Variants in MBOAT4 observed in about 807,000 individuals in gnomAD.
The protein encoded by MBOAT4 is membrane bound ghrelin O-acyltransferase MBOAT4.
Under a neutral mutation model 13.2 loss-of-function variants are expected in MBOAT4, and 11 were observed. That is an observed-to-expected ratio of 0.84 (90% CI 0.53 to 1.38). The LOEUF is 1.38. Ranked by LOEUF, MBOAT4 falls within the 40% of genes most tolerant of loss-of-function variation. The pLI, the probability that MBOAT4 is intolerant of heterozygous loss-of-function variation, is 0.00. For synonymous variants in MBOAT4, 202 were observed against 210.3 expected, an observed-to-expected ratio of 0.96 and a Z score of 0.34; for missense variants, 481 against 527.2, an observed-to-expected ratio of 0.91 and a Z score of 0.86.
chr8:30,134,916 A>G (rs1331430896), intron 2 of MBOAT4, among the ~76,000 whole-genome samples: 4 of 151,632 alleles, frequency 2.6e-5, no homozygotes, highest in African/African-American at 9.7e-5. Flanking sequence ...GTCTCACTCT[A>G]TCACCCAGGC....
intron 2 of MBOAT4, 83 bp downstream of exon 2, chr8:30,138,449 C>T: frequency 8.8e-7 from 1 of 1,130,114 alleles, no homozygotes; most frequent in Non-Finnish European, 1.3e-6. Flanking sequence ...GACTCCAACC[C>T]AACACCCAGG....
rs1458588331 is a variant in MBOAT4, at chr8:30,132,125, G to A, written c.1126C>T (p.Leu376=). The A allele has an allele frequency of 6.4e-7, 1 of 1,551,738 alleles. No individual in the cohort carries two copies. The highest frequency in any genetic ancestry group is 8.7e-7 in the Non-Finnish European group (1 of 1,146,998). Residue 376 remains leucine, a synonymous_variant, in exon 3 of 3, where the codon CTG becomes TTG. Coordinates refer to ENST00000320542, the MANE Select transcript of MBOAT4 (RefSeq NM_001100916.2). ...NEFIRSWPMR[L]FYRTLTWAHT... is the part of the protein sequence containing the mutation. ...GCCCAGGTGAGGGTTCTATAGAACA[G>A]CCTCATCGGCCAGGATCTGATAAAC...
chr8:30,133,282 AAT>A (rs1803067430), intron 2 of MBOAT4, among the ~76,000 whole-genome samples: 1 of 152,296 alleles, frequency 6.6e-6, no homozygotes, highest in Middle Eastern at 3.4e-3. Context: ...AACTTTTAAG[AAT>A]AGTTACCTCT....
chr8:30,138,735 T>A lies in MBOAT4; in HGVS notation c.141A>T (p.Gly47=). ...TGGCAGCCACGGCCAGGGCACCTCC[T>A]CCAGTCAGGAGAAAGAGGTACCTGA... ...TRARYLFLLT[G]GGALAVAAMG... Residue 47 remains glycine (G), a synonymous_variant, in exon 2 of 3, where the codon GGA becomes GGT. Coordinates refer to ENST00000320542, the MANE Select transcript of MBOAT4 (RefSeq NM_001100916.2). 18 of 1,549,770 alleles carry A rather than the reference T, an allele frequency of 1.2e-5. No homozygotes were observed. Among genetic ancestry groups the A allele is most frequent in the Non-Finnish European group, 1.6e-5 (18 of 1,146,878 alleles).
At chr8:30,133,774 G>A (rs1803077036) in intron 2 of MBOAT4, among the ~76,000 whole-genome samples, 1 of 123,206 alleles carries the variant, frequency 8.1e-6, no homozygotes, top group Non-Finnish European at 1.7e-5. Flanking sequence ...ACACATCCAA[G>A]TGAGACCCTG....
intron 1 of MBOAT4, among the ~76,000 whole-genome samples, chr8:30,142,285 T>G (rs1442959683): frequency 1.3e-5 from 2 of 152,212 alleles, no homozygotes; most frequent in Non-Finnish European, 2.9e-5. Flanking sequence ...TATATTGATA[T>G]ACACAAGGAC....
At chr8:30,144,068 G>C (rs1290797971) in intron 1 of MBOAT4, among the ~76,000 whole-genome samples, 1 of 148,242 alleles carries the variant, frequency 6.7e-6, no homozygotes, top group Non-Finnish European at 1.5e-5. Flanking sequence ...TTAAAAACAA[G>C]TGTAATTAAT....
intron 1 of MBOAT4, among the ~76,000 whole-genome samples, chr8:30,143,127 G>A (rs1420027861): frequency 1.3e-5 from 2 of 152,092 alleles, no homozygotes. Context: ...ATATACCCAC[G>A]TAACAAACCT....
chr8:30,137,523 A>ACAC, intron 2 of MBOAT4: 3 of 1,498,146 alleles, frequency 2.0e-6, no homozygotes, highest in Non-Finnish European at 2.7e-6. Flanking sequence ...TCAGTGCCAG[A>ACAC]CACTGCACCA....
At position 30,138,573 on chromosome 8, in the gene MBOAT4, C is replaced by G. The variant is rs1027037639; in HGVS notation, c.303G>C (p.Leu101=). 6.4e-6 allele frequency: 10 copies of G among 1,551,520 alleles called. No individual in the cohort carries two copies. Among genetic ancestry groups the G allele is most frequent in the Non-Finnish European group, 7.0e-6 (8 of 1,147,010 alleles). The change falls in exon 2 of 3, where the codon CTG becomes CTC. Residue 101 remains leucine (L), a synonymous_variant. Coordinates refer to ENST00000320542, the MANE Select transcript of MBOAT4 (RefSeq NM_001100916.2). ...MSWQTLCHLG[L]HYTEYYLHEP... ...CATGCAGATAATACTCAGTGTAGTG[C>G]AGACCTAGGTGACACAAGGTCTGCC...
chr8:30,139,795 A>C (rs552032078), intron 1 of MBOAT4, among the ~76,000 whole-genome samples: 1 of 2,766 alleles, frequency 3.6e-4, no homozygotes, highest in African/African-American at 4.7e-4. Flanking sequence ...CCATCTCTAC[A>C]AAAAAAAAAT....
At chr8:30,136,451 T>A (rs189684223) in intron 2 of MBOAT4, among the ~76,000 whole-genome samples, 1 of 152,300 alleles carries the variant, frequency 6.6e-6, no homozygotes, top group East Asian at 1.9e-4. Context: ...GGAAATGAAT[T>A]TCTGTTGTTT....
intron 1 of MBOAT4, among the ~76,000 whole-genome samples, chr8:30,143,562 A>C (rs1803300098): frequency 6.6e-6 from 1 of 152,134 alleles, no homozygotes; most frequent in South Asian, 2.1e-4. Context: ...AATCTAAAAA[A>C]ATAGGTGCTG....
At chr8:30,141,641 A>C (rs1448060388) in intron 1 of MBOAT4, among the ~76,000 whole-genome samples, 2 of 152,110 alleles carry the variant, frequency 1.3e-5, no homozygotes, top group Non-Finnish European at 2.9e-5. Flanking sequence ...CTGTTTCAAA[A>C]AGAAAAGAAA....
At chr8:30,139,310 A>C (rs1803220713) in intron 1 of MBOAT4, among the ~76,000 whole-genome samples, 2 of 151,462 alleles carry the variant, frequency 1.3e-5, no homozygotes, top group Non-Finnish European at 2.9e-5. Flanking sequence ...GATGCCCTCC[A>C]TTCAAGCGAT....
At chr8:30,137,755 C>T (rs1182724849) in intron 2 of MBOAT4, 1 of 475,398 alleles carries the variant, frequency 2.1e-6, no homozygotes, top group Non-Finnish European at 3.7e-6. Context: ...AATCACAGAC[C>T]TTTCCCAAAA....
At chr8:30,133,470 A>G (rs901441033) in intron 2 of MBOAT4, among the ~76,000 whole-genome samples, 2 of 152,242 alleles carry the variant, frequency 1.3e-5, no homozygotes, top group African/African-American at 2.4e-5. Context: ...ATTTACACGC[A>G]TGTTCAACTT....
At position 30,132,553 on chromosome 8, in the gene MBOAT4, G is replaced by T. The variant is rs752092925; in HGVS notation, c.698C>A (p.Thr233Asn). 11 of 1,551,580 alleles carry T rather than the reference G, an allele frequency of 7.1e-6. No homozygotes were observed. The South Asian group carries it at 1.1e-4, about 15-fold the overall frequency. ...SRVVDAGAGL[T>N]DCQQFECIYV... The stretch of plus-strand genomic sequence containing the variant: ...GATGCACTCGAATTGCTGGCAATCA[G>T]TCAGTCCCGCTCCTGCATCCACCAC... Residue 233 changes from threonine to asparagine, a missense_variant, in exon 3 of 3, where the codon ACT (threonine) becomes AAT (asparagine). Coordinates refer to ENST00000320542, the MANE Select transcript of MBOAT4 (RefSeq NM_001100916.2).
At position 30,132,228 on chromosome 8, in the gene MBOAT4, A is replaced by C; in HGVS notation, c.1023T>G (p.His341Gln). Residue 341 changes from histidine (H) to glutamine (Q), a missense_variant, in exon 3 of 3, where the codon CAT becomes CAG. By Grantham distance (24) the His-to-Gln change is conservative (BLOSUM62 0). Transcript: ENST00000320542. ...FAFSAWWHGL[H>Q]PGQVFGFVCW... ...AAACGAAACCAAACACCTGTCCTGGATGGAGTCCATGCCACCAGGCAGAGA... is the reference window on the plus strand; with the variant it reads ...AAACGAAACCAAACACCTGTCCTGGCTGGAGTCCATGCCACCAGGCAGAGA... The C allele has an allele frequency of 6.4e-7, 1 of 1,551,868 alleles. No homozygotes were observed. The highest frequency in any genetic ancestry group is 8.7e-7 in the Non-Finnish European group (1 of 1,147,028).
Sources: gnomAD v4.1 joint callset for allele counts (sites outside exome capture counted in the v4.1 genomes callset) on GRCh38, gnomAD v4.1.1 for gene constraint, MANE v1.5 for transcripts, NCBI Gene and HGNC (gene_info 2026-07-23, HGNC 2026-07-21) for gene names.